The following ARSB variants were observed in gnomAD, a reference collection of about 807,000 sequenced individuals.
The protein encoded by ARSB is arylsulfatase B.
In ARSB, 41 loss-of-function variants were observed where a neutral mutation model predicts 50.9. The observed-to-expected ratio is 0.81, with a 90% CI of 0.63 to 1.04. The LOEUF is 1.04. ARSB is among the 50% of genes least tolerant of loss of function. The pLI is 0.00. For synonymous variants in ARSB, 269 were observed against 284.8 expected, an observed-to-expected ratio of 0.94 and a Z score of 0.56; for missense variants, 672 against 693.3, an observed-to-expected ratio of 0.97 and a Z score of 0.35.
intron 5 of ARSB, among the ~76,000 whole-genome samples, chr5:78,873,005 A>G (rs1214861255): frequency 6.6e-6 from 1 of 152,124 alleles, no homozygotes; most frequent in Non-Finnish European, 1.5e-5. Context: ...AAAAGAACTC[A>G]GCATCTATGC....
At chr5:78,880,039 C>G (rs1309924729) in intron 5 of ARSB, among the ~76,000 whole-genome samples, 2 of 151,990 alleles carry the variant, frequency 1.3e-5, no homozygotes, top group Non-Finnish European at 2.9e-5. Flanking sequence ...ATAATTTTGG[C>G]CATATCTTTT....
At chr5:78,878,526 C>A (rs1747591365) in intron 5 of ARSB, among the ~76,000 whole-genome samples, 1 of 150,072 alleles carries the variant, frequency 6.7e-6, no homozygotes, top group Admixed American at 6.7e-5. Context: ...AGTCTGAGTT[C>A]TCTTGTTAGT....
intron 5 of ARSB, among the ~76,000 whole-genome samples, chr5:78,841,145 T>TACTACC (rs1745180776): frequency 8.4e-6 from 1 of 118,352 alleles, no homozygotes; most frequent in South Asian, 3.0e-4. Context: ...CTACTACTAC[T>TACTACC]ACTACTACTA....
At chr5:78,789,242 A>G (rs1010039121) in intron 6 of ARSB, among the ~76,000 whole-genome samples, 1 of 152,230 alleles carries the variant, frequency 6.6e-6, no homozygotes, top group Admixed American at 6.5e-5. Context: ...AATAAAAATG[A>G]CCTGTTAATT....
chr5:78,938,959 C>T (rs573203220), intron 4 of ARSB, among the ~76,000 whole-genome samples: 147 of 152,316 alleles, frequency 9.7e-4, no homozygotes, highest in Middle Eastern at 3.4e-3. Context: ...CAGGACTGGC[C>T]TGAGCACTGC....
At chr5:78,981,749 T>C (rs1461053675) in intron 1 of ARSB, among the ~76,000 whole-genome samples, 1 of 152,202 alleles carries the variant, frequency 6.6e-6, no homozygotes, top group African/African-American at 2.4e-5. Context: ...AAATAATTTC[T>C]GAAACCAAAA....
At chr5:78,892,927 C>T (rs1019742054) in intron 4 of ARSB, among the ~76,000 whole-genome samples, 3 of 152,080 alleles carry the variant, frequency 2.0e-5, no homozygotes, top group South Asian at 4.1e-4. Context: ...TGGTGGAGTG[C>T]GACTGGCAGC....
chr5:78,803,946 C>A (rs915585790), intron 6 of ARSB, among the ~76,000 whole-genome samples: 4 of 152,212 alleles, frequency 2.6e-5, no homozygotes, highest in Non-Finnish European at 5.9e-5. Context: ...TGGTCAAGGG[C>A]CTATTTGTTG....
At chr5:78,948,629 T>C (rs1751358981) in intron 4 of ARSB, among the ~76,000 whole-genome samples, 2 of 152,198 alleles carry the variant, frequency 1.3e-5, no homozygotes, top group African/African-American at 4.8e-5. Flanking sequence ...TCTCGTCAGC[T>C]TTTTGAAGAG....
intron 6 of ARSB, among the ~76,000 whole-genome samples, chr5:78,800,877 G>C (rs887753140): frequency 2.6e-5 from 4 of 152,152 alleles, no homozygotes; most frequent in African/African-American, 9.7e-5. Flanking sequence ...GGGGATGAAG[G>C]CTTGCACTAA....
At chr5:78,869,376 C>T (rs1746993864) in intron 5 of ARSB, among the ~76,000 whole-genome samples, 2 of 140,590 alleles carry the variant, frequency 1.4e-5, no homozygotes, top group Admixed American at 1.5e-4. Flanking sequence ...TTCAGCACCA[C>T]ACCACACCTA....
chr5:78,849,639 A>C (rs1391494465), intron 5 of ARSB, among the ~76,000 whole-genome samples: 1 of 151,124 alleles, frequency 6.6e-6, no homozygotes, highest in African/African-American at 2.4e-5. Flanking sequence ...TGAATCTATA[A>C]ATTACCTTGG....
chr5:78,913,205 G>A (rs377672048), intron 4 of ARSB, among the ~76,000 whole-genome samples: 20 of 151,308 alleles, frequency 1.3e-4, no homozygotes, highest in African/African-American at 4.9e-4. Flanking sequence ...GCTCACTGCA[G>A]GCTCCGCCTC....
chr5:78,911,572 TAAAAAAAAAAAAAAAAAAAAAAA>T lies in ARSB; in HGVS notation c.899-25768_899-25746del, dbSNP rs71001137. On this transcript the variant is annotated intron_variant, in intron 4 of 7. Transcript: ENST00000264914. The stretch of plus-strand genomic sequence containing the variant: ...CTGGGGAACAGAGTGAGACTCCCTC[TAAAAAAAAAAAAAAAAAAAAAAA>T]AAAAAAAAAAAAAAAAGAATAACTT... 8.1e-3 allele frequency among the ~76,000 whole-genome samples: 549 copies of T among 67,858 alleles called. 7 individuals carry two copies. The highest frequency in any genetic ancestry group is 0.038 in the African/African-American group (483 of 12,802). 44.5% of individuals were successfully genotyped at this position (67,858 alleles called of 152,430 possible).
chr5:78,880,093 G>A (rs936659400), intron 5 of ARSB, among the ~76,000 whole-genome samples: 11 of 152,026 alleles, frequency 7.2e-5, no homozygotes, highest in African/African-American at 2.7e-4. Flanking sequence ...ACTGAAGAAC[G>A]TGCCCCTGTT....
chr5:78,974,251 C>T (rs906856513), intron 1 of ARSB, among the ~76,000 whole-genome samples: 65 of 152,218 alleles, frequency 4.3e-4, no homozygotes, highest in African/African-American at 1.5e-3. Context: ...AGGGGCCTGG[C>T]TTTGCCATCT....
chr5:78,893,107 C>G (rs554872275), intron 4 of ARSB, among the ~76,000 whole-genome samples: 1 of 152,158 alleles, frequency 6.6e-6, no homozygotes, highest in Non-Finnish European at 1.5e-5. Context: ...ACAAGCTTCA[C>G]GAGAGCTGAT....
chr5:78,894,966 T>G (rs1307776102), intron 4 of ARSB, among the ~76,000 whole-genome samples: 1 of 152,112 alleles, frequency 6.6e-6, no homozygotes, highest in Admixed American at 6.5e-5. Flanking sequence ...GAGAGGCAAA[T>G]GGCTAACAGG....
At position 78,886,543 on chromosome 5, in the gene ARSB, G is replaced by A. The variant is rs181537188; in HGVS notation, c.899-716C>T. 2.0e-5 allele frequency among the ~76,000 whole-genome samples: 3 copies of A among 152,258 alleles called. No individual in the cohort carries two copies. In the East Asian group the frequency reaches 5.8e-4, roughly 29 times the overall value. Reference sequence around the variant, plus strand: ...TCTTCCAAGACAACAGAAGGAATGGGAGATCTTGGCAAAGACAGGGTAGAA... The same window carrying A: ...TCTTCCAAGACAACAGAAGGAATGGAAGATCTTGGCAAAGACAGGGTAGAA... On this transcript the variant is annotated intron_variant, in intron 4 of 7. Transcript: ENST00000264914.
Sources: gnomAD v4.1 joint callset for allele counts (sites outside exome capture counted in the v4.1 genomes callset) on GRCh38, gnomAD v4.1.1 for gene constraint, MANE v1.5 for transcripts, NCBI Gene and HGNC (gene_info 2026-07-23, HGNC 2026-07-21) for gene names.